The following DEPTOR variants were observed in gnomAD, a reference collection of about 807,000 sequenced individuals.
DEPTOR encodes the protein DEP domain-containing mTOR-interacting protein.
In DEPTOR, 41 loss-of-function variants were observed where a neutral mutation model predicts 41.6. That is an observed-to-expected ratio of 0.98 (90% CI 0.77 to 1.28). The LOEUF (loss-of-function observed/expected upper bound fraction) is 1.28. DEPTOR is among the 50% of genes most tolerant of loss of function. DEPTOR has a pLI of 0.00. For synonymous variants in DEPTOR, 195 were observed against 192.3 expected (o/e 1.01, Z -0.12); for missense variants, 514 against 527.9 (o/e 0.97, Z 0.26).
intron 1 of DEPTOR, among the ~76,000 whole-genome samples, chr8:119,918,942 T>TGTGC (rs1364197493): frequency 7.4e-6 from 1 of 135,824 alleles, no homozygotes; most frequent in East Asian, 2.0e-4. Context: ...ATAGTGAGTG[T>TGTGC]GTGTGTGTGT....
At chr8:119,980,692 A>AT (rs1828756444) in intron 4 of DEPTOR, among the ~76,000 whole-genome samples, 1 of 151,454 alleles carries the variant, frequency 6.6e-6, no homozygotes, top group South Asian at 2.1e-4. Context: ...TAATTTTTGT[A>AT]TTTTTAACAG....
At chr8:120,033,533 A>G (rs1812927506) in intron 8 of DEPTOR, among the ~76,000 whole-genome samples, 1 of 152,142 alleles carries the variant, frequency 6.6e-6, no homozygotes, top group African/African-American at 2.4e-5. Flanking sequence ...AGCACCCTTC[A>G]AATGTGTGAT....
intron 3 of DEPTOR, among the ~76,000 whole-genome samples, chr8:119,963,989 T>C (rs1464432906): frequency 6.6e-6 from 1 of 152,196 alleles, no homozygotes; most frequent in Non-Finnish European, 1.5e-5. Flanking sequence ...CTTCTTGGTT[T>C]GCAGGTGGCT....
chr8:120,028,999 G>T (rs1209927585), intron 8 of DEPTOR, among the ~76,000 whole-genome samples: 2 of 151,792 alleles, frequency 1.3e-5, no homozygotes, highest in Admixed American at 1.3e-4. Context: ...CTTGAACCTG[G>T]GAGGCAGAGG....
chr8:119,909,598 T>C (rs1827710625), intron 1 of DEPTOR, among the ~76,000 whole-genome samples: 2 of 152,222 alleles, frequency 1.3e-5, no homozygotes, highest in South Asian at 4.1e-4. Flanking sequence ...ACCATTAATG[T>C]AAACAATTGC....
intron 8 of DEPTOR, among the ~76,000 whole-genome samples, chr8:120,045,195 T>C (rs1813136009): frequency 6.6e-6 from 1 of 152,174 alleles, no homozygotes; most frequent in South Asian, 2.1e-4. Context: ...CTGGACAGCA[T>C]GTGGGAACGC....
intron 1 of DEPTOR, among the ~76,000 whole-genome samples, chr8:119,902,667 A>G (rs1002618168): frequency 2.6e-5 from 4 of 152,142 alleles, no homozygotes; most frequent in Non-Finnish European, 5.9e-5. Context: ...TCCAAGTTTC[A>G]TAGTTTCCTA....
intron 3 of DEPTOR, among the ~76,000 whole-genome samples, chr8:119,946,626 C>G (rs1037521819): frequency 6.6e-6 from 1 of 151,748 alleles, no homozygotes; most frequent in Admixed American, 6.6e-5. Flanking sequence ...CCCAGCTACT[C>G]GGGAGGTTGA....
At chr8:119,981,617 C>A (rs1411901710) in intron 4 of DEPTOR, among the ~76,000 whole-genome samples, 2 of 148,800 alleles carry the variant, frequency 1.3e-5, no homozygotes, top group East Asian at 3.9e-4. Flanking sequence ...GTGATTGTGC[C>A]ACTGCACTCC....
chr8:120,049,661 C>T lies in DEPTOR; in HGVS notation c.1187C>T (p.Pro396Leu). ...GTGAGCAATCTGATTCTGACGGGCCCACGGACGATTGTCATGGAAGTCATG... is the reference window on the plus strand; with the variant it reads ...GTGAGCAATCTGATTCTGACGGGCCTACGGACGATTGTCATGGAAGTCATG... Reference protein sequence around the residue: ...RTVSNLILTGPRTIVMEVMEE... With the variant: ...RTVSNLILTGLRTIVMEVMEE... Residue 396 changes from proline to leucine, a missense_variant, in exon 9 of 9, where the codon CCA becomes CTA. Coordinates refer to ENST00000286234, the MANE Select transcript of DEPTOR (RefSeq NM_022783.4). The T allele has an allele frequency of 6.2e-7, 1 of 1,613,954 alleles. No homozygotes were observed. The highest frequency in any genetic ancestry group is 8.5e-7 in the Non-Finnish European group (1 of 1,179,898).
chr8:120,037,609 C>T (rs1812997890), intron 8 of DEPTOR, among the ~76,000 whole-genome samples: 1 of 152,092 alleles, frequency 6.6e-6, no homozygotes, highest in African/African-American at 2.4e-5. Context: ...ACTCTTCATC[C>T]AGGAGACACT....
At chr8:119,911,144 T>G (rs1827730986) in intron 1 of DEPTOR, among the ~76,000 whole-genome samples, 1 of 152,074 alleles carries the variant, frequency 6.6e-6, no homozygotes, top group South Asian at 2.1e-4. Flanking sequence ...ACCGTGGCCT[T>G]CTATCAATTT....
At chr8:120,023,236 T>A (rs1359783381) in intron 8 of DEPTOR, among the ~76,000 whole-genome samples, 2 of 152,058 alleles carry the variant, frequency 1.3e-5, no homozygotes, top group Non-Finnish European at 1.5e-5. Context: ...CTTTCTTTTC[T>A]TTTCTTTTCT....
At chr8:119,997,944 A>G (rs1042305180) in intron 4 of DEPTOR, among the ~76,000 whole-genome samples, 5 of 152,148 alleles carry the variant, frequency 3.3e-5, no homozygotes, top group Admixed American at 3.3e-4. Flanking sequence ...AACATTTTGA[A>G]TTTTACAATC....
intron 8 of DEPTOR, among the ~76,000 whole-genome samples, chr8:120,014,365 C>T (rs1812578018): frequency 6.6e-6 from 1 of 152,140 alleles, no homozygotes; most frequent in Non-Finnish European, 1.5e-5. Flanking sequence ...TTCTATGTAC[C>T]TGACCCTGAG....
At chr8:119,918,938 A>AGTGTGTGTGTGT (rs751715374) in intron 1 of DEPTOR, among the ~76,000 whole-genome samples, 2,496 of 133,500 alleles carry the variant, frequency 0.019, 40 homozygotes, top group African/African-American at 0.036. Flanking sequence ...TTGCATAGTG[A>AGTGTGTGTGTGT]GTGTGTGTGT....
intron 3 of DEPTOR, among the ~76,000 whole-genome samples, chr8:119,949,282 A>G (rs1302368483): frequency 2.6e-5 from 4 of 152,228 alleles, no homozygotes; most frequent in Admixed American, 1.3e-4. Flanking sequence ...GTTGATGGAC[A>G]TGTGGATTGT....
chr8:119,901,409 G>A (rs1827588271), intron 1 of DEPTOR, among the ~76,000 whole-genome samples: 1 of 152,066 alleles, frequency 6.6e-6, no homozygotes. Flanking sequence ...AGGCGTGGTG[G>A]CTCACACCTG....
Position 119,886,144 on chromosome 8 carries a change from A to G in DEPTOR, c.122+12176A>G, listed in dbSNP as rs554740451. ...CTATAAGTGGAAGTTCAGGAGATAC[A>G]ATGCCTTAAAATTTAATTCATTCTC... On this transcript the variant is annotated intron_variant, in intron 1 of 8. Coordinates refer to ENST00000286234, the MANE Select transcript of DEPTOR (RefSeq NM_022783.4). Among the ~76,000 whole-genome samples, 68 of 152,328 alleles carry G rather than the reference A, an allele frequency of 4.5e-4. No individual in the cohort carries two copies. In the South Asian group the frequency reaches 0.014, roughly 31 times the overall value.
Sources: gnomAD v4.1 joint callset for allele counts (sites outside exome capture counted in the v4.1 genomes callset) on GRCh38, gnomAD v4.1.1 for gene constraint, MANE v1.5 for transcripts, NCBI Gene and HGNC (gene_info 2026-07-23, HGNC 2026-07-21) for gene names.